PTK2B: variants seen among roughly 807,000 people sequenced by gnomAD.
PTK2B encodes protein tyrosine kinase 2 beta.
In PTK2B, 71 loss-of-function variants were observed where a neutral mutation model predicts 142.9. The ratio of observed to expected loss-of-function variants is 0.50; its 90% CI spans 0.41 to 0.61. The LOEUF (loss-of-function observed/expected upper bound fraction) is 0.61, where lower values mean the gene tolerates loss of function less well. Ranked by LOEUF, PTK2B falls within the 20% of genes least tolerant of loss-of-function variation. The pLI is 0.00. For missense variants in PTK2B, 1,105 were observed against 1,320.4 expected, an observed-to-expected ratio of 0.84 and a Z score of 2.53; for synonymous variants, 519 against 503.4, an observed-to-expected ratio of 1.03 and a Z score of -0.42.
chr8:27,429,992 G>A (rs1423796458), intron 5 of PTK2B, 101 bp from the exon 6 acceptor site: 11 of 1,055,782 alleles, frequency 1.0e-5, no homozygotes, highest in Admixed American at 6.8e-5. Context: ...TGATTCCCAC[G>A]TATGGCAGGG....
intron 2 of PTK2B, among the ~76,000 whole-genome samples, chr8:27,414,608 G>GTGTGTGTGTGTGTGTATGTGTGTGGTTT (rs140323992): frequency 6.7e-6 from 1 of 148,872 alleles, no homozygotes; most frequent in African/African-American, 2.5e-5. Flanking sequence ...CTCTCTCTCT[G>GTGTGTGTGTGTGTGTATGTGTGTGGTTT]TGTGTGTGTG....
chr8:27,446,022 C>G, intron 24 of PTK2B, 103 bp downstream of exon 24: 1 of 1,496,172 alleles, frequency 6.7e-7, no homozygotes, highest in Non-Finnish European at 9.1e-7. Flanking sequence ...CAGGAGGGCC[C>G]TTCCTGTTCC....
intron 1 of PTK2B, among the ~76,000 whole-genome samples, chr8:27,336,788 T>C (rs1418169029): frequency 2.6e-5 from 4 of 152,314 alleles, no homozygotes; most frequent in African/African-American, 9.6e-5. Context: ...CCCTGTGGTC[T>C]AAAGAGAGTT....
At chr8:27,457,946 T>C (rs1385995736) in intron 30 of PTK2B, among the ~76,000 whole-genome samples, 1 of 132,392 alleles carries the variant, frequency 7.6e-6, no homozygotes, top group African/African-American at 3.0e-5. Flanking sequence ...CTGCACTCCA[T>C]CCTGGGCAAC....
chr8:27,403,837 TTCTTCTC>T (rs572836709), intron 2 of PTK2B, among the ~76,000 whole-genome samples: 1 of 151,988 alleles, frequency 6.6e-6, no homozygotes, highest in Non-Finnish European at 1.5e-5. Flanking sequence ...TTTTTCTTCT[TTCTTCTC>T]TCTTCTTTCT....
chr8:27,412,844 A>G (rs1310126006), intron 2 of PTK2B, among the ~76,000 whole-genome samples: 1 of 152,162 alleles, frequency 6.6e-6, no homozygotes, highest in East Asian at 1.9e-4. Context: ...CACCAACTAG[A>G]ATCATTAGCT....
chr8:27,373,301 C>T (rs73681109), intron 1 of PTK2B, among the ~76,000 whole-genome samples: 2,758 of 152,262 alleles, frequency 0.018, 78 homozygotes, highest in African/African-American at 0.063. Flanking sequence ...CCCTAGTCCC[C>T]ACACAGACTT....
intron 22 of PTK2B, 130 bp from the exon 23 acceptor site, chr8:27,444,076 A>G: frequency 1.1e-6 from 1 of 927,322 alleles, no homozygotes; most frequent in South Asian, 1.5e-5. Flanking sequence ...GAGTTTCATG[A>G]CAGCTTTGTC....
intron 24 of PTK2B, among the ~76,000 whole-genome samples, chr8:27,447,485 G>A (rs978437624): frequency 6.6e-6 from 1 of 152,212 alleles, no homozygotes; most frequent in African/African-American, 2.4e-5. Flanking sequence ...TGACTCATCA[G>A]GGAGTCTGTG....
intron 2 of PTK2B, among the ~76,000 whole-genome samples, chr8:27,412,765 A>C (rs950638970): frequency 1.3e-5 from 2 of 152,196 alleles, no homozygotes; most frequent in Admixed American, 6.5e-5. Flanking sequence ...TGTCTACAAC[A>C]GAAATTGGTT....
chr8:27,448,021 C>G (rs1811575889), intron 24 of PTK2B, among the ~76,000 whole-genome samples: 1 of 152,222 alleles, frequency 6.6e-6, no homozygotes, highest in Admixed American at 6.5e-5. Flanking sequence ...ACCTGTAATG[C>G]AAGCCAGAAG....
intron 7 of PTK2B, 113 bp from the exon 8 acceptor site, chr8:27,430,763 A>G: frequency 7.0e-7 from 1 of 1,421,468 alleles, no homozygotes; most frequent in Non-Finnish European, 9.5e-7. Flanking sequence ...TTTTGGGGCA[A>G]AGGCCCTGGG....
At chr8:27,335,783 G>A (rs1018701654) in intron 1 of PTK2B, among the ~76,000 whole-genome samples, 14 of 152,146 alleles carry the variant, frequency 9.2e-5, no homozygotes, top group African/African-American at 3.4e-4. Context: ...TGAGTCCCCT[G>A]GGTAAGCCTG....
intron 23 of PTK2B, among the ~76,000 whole-genome samples, chr8:27,445,199 A>G (rs1222697604): frequency 6.6e-6 from 1 of 152,168 alleles, no homozygotes; most frequent in African/African-American, 2.4e-5. Flanking sequence ...GTGAGACCCC[A>G]TCTCTAAAAA....
chr8:27,359,688 A>G (rs537488450), intron 1 of PTK2B, among the ~76,000 whole-genome samples: 24 of 152,252 alleles, frequency 1.6e-4, no homozygotes, highest in African/African-American at 5.3e-4. Flanking sequence ...TTCCCACTGC[A>G]TGTAAGTAGA....
At chr8:27,347,512 A>G (rs1165149271) in intron 1 of PTK2B, among the ~76,000 whole-genome samples, 2 of 137,724 alleles carry the variant, frequency 1.5e-5, no homozygotes, top group Non-Finnish European at 3.2e-5. Flanking sequence ...AGGTGTCAGC[A>G]GGGCTGGTTT....
At position 27,434,083 on chromosome 8, in the gene PTK2B, C is replaced by T. The variant is rs770190248; in HGVS notation, c.1106-10C>T. On this transcript the variant is annotated splice_polypyrimidine_tract_variant and intron_variant, in intron 11 of 30. Coordinates refer to ENST00000346049, the MANE Select transcript of PTK2B (RefSeq NM_173176.3). The stretch of plus-strand genomic sequence containing the variant: ...CAGCTCCAACCTCCTCCTTCCTCCT[C>T]TCTTCCTAGATGGTGAGAAGCGGAA... 15 of 1,614,100 alleles carry T rather than the reference C, an allele frequency of 9.3e-6. No individual in the cohort carries two copies. The South Asian group carries it at 1.4e-4, about 15-fold the overall frequency.
intron 5 of PTK2B, among the ~76,000 whole-genome samples, chr8:27,425,231 CATAGTATACT>C (rs1810010578): frequency 6.6e-6 from 1 of 151,046 alleles, no homozygotes; most frequent in Non-Finnish European, 1.5e-5. Context: ...TATAGTATTG[CATAGTATACT>C]ATAGTATACT....
chr8:27,425,105 G>A (rs975140677), intron 5 of PTK2B, among the ~76,000 whole-genome samples: 2 of 151,630 alleles, frequency 1.3e-5, no homozygotes, highest in Admixed American at 1.3e-4. Flanking sequence ...TATAACATTT[G>A]TTATACTATA....
Sources: allele counts gnomAD v4.1 joint callset (sites outside exome capture counted in the v4.1 genomes callset), GRCh38; gene constraint gnomAD v4.1.1; transcripts MANE v1.5; gene names NCBI Gene and HGNC (gene_info 2026-07-23, HGNC 2026-07-21).